Variants in PLCB4 observed in about 807,000 individuals in gnomAD.
PLCB4 encodes 1-phosphatidylinositol 4,5-bisphosphate phosphodiesterase beta-4.
PLCB4 carries 77 observed loss-of-function variants against 178.8 expected under a neutral mutation model. That is an observed-to-expected ratio of 0.43 (90% CI 0.36 to 0.52). The LOEUF is 0.52. PLCB4 is among the 20% of genes least tolerant of loss of function. The pLI, the probability that PLCB4 is intolerant of heterozygous loss-of-function variation, is 0.00. For missense variants in PLCB4, 1,024 were observed against 1,453.4 expected (o/e 0.70, Z 4.80); for synonymous variants, 496 against 490.8 (o/e 1.01, Z -0.14).
At chr20:9,083,654 T>C (rs2090269040) in intron 1 of PLCB4, among the ~76,000 whole-genome samples, 1 of 152,162 alleles carries the variant, frequency 6.6e-6, no homozygotes, top group Admixed American at 6.5e-5. Flanking sequence ...CTAAGAAAAC[T>C]GAGTGATTAC....
intron 2 of PLCB4, among the ~76,000 whole-genome samples, chr20:9,187,753 A>G (rs1004908506): frequency 1.3e-5 from 2 of 152,240 alleles, no homozygotes; most frequent in Non-Finnish European, 2.9e-5. Flanking sequence ...GGAAAATGAT[A>G]ATTTCCGTAG....
chr20:9,226,753 G>A (rs534267858), intron 3 of PLCB4, among the ~76,000 whole-genome samples: 13 of 152,106 alleles, frequency 8.5e-5, no homozygotes, highest in African/African-American at 3.1e-4. Context: ...TCTTTCTTCT[G>A]TACAAGTAGA....
intron 3 of PLCB4, among the ~76,000 whole-genome samples, chr20:9,276,303 A>T (rs977301457): frequency 6.6e-6 from 1 of 152,018 alleles, no homozygotes; most frequent in Non-Finnish European, 1.5e-5. Flanking sequence ...ACCAAGAGGA[A>T]GGGATGTTCC....
At chr20:9,146,684 A>T (rs1365488308) in intron 2 of PLCB4, among the ~76,000 whole-genome samples, 6 of 152,122 alleles carry the variant, frequency 3.9e-5, no homozygotes, top group Non-Finnish European at 1.5e-5. Flanking sequence ...GACTCTTTAC[A>T]TGGTATTTTG....
chr20:9,142,639 T>G (rs994625712), intron 2 of PLCB4, among the ~76,000 whole-genome samples: 3 of 152,142 alleles, frequency 2.0e-5, no homozygotes, highest in African/African-American at 7.2e-5. Flanking sequence ...TATCCCAAAT[T>G]TAAGCAGTTT....
At chr20:9,233,635 G>A (rs922193733) in intron 3 of PLCB4, among the ~76,000 whole-genome samples, 14 of 152,098 alleles carry the variant, frequency 9.2e-5, no homozygotes, top group African/African-American at 3.4e-4. Flanking sequence ...TGAACTAAGA[G>A]TACCACTTTC....
chr20:9,412,428 T>G (rs533901368), intron 25 of PLCB4, among the ~76,000 whole-genome samples: 1 of 151,924 alleles, frequency 6.6e-6, no homozygotes, highest in African/African-American at 2.4e-5. Flanking sequence ...ACCCAGAGCC[T>G]CTCTTCTCTG....
chr20:9,239,910 CA>C (rs1461972035), intron 3 of PLCB4, among the ~76,000 whole-genome samples: 3 of 152,168 alleles, frequency 2.0e-5, no homozygotes, highest in African/African-American at 7.2e-5. Context: ...AAGCATCTAG[CA>C]CAGGAGAAAG....
At chr20:9,449,458 G>C (rs1428835772) in intron 32 of PLCB4, among the ~76,000 whole-genome samples, 2 of 152,182 alleles carry the variant, frequency 1.3e-5, no homozygotes, top group Non-Finnish European at 2.9e-5. Context: ...AAGTCAGTCT[G>C]AGCTACCACC....
chr20:9,178,499 T>C (rs918615630), intron 2 of PLCB4, among the ~76,000 whole-genome samples: 3 of 151,950 alleles, frequency 2.0e-5, no homozygotes, highest in African/African-American at 7.2e-5. Flanking sequence ...AACTTTGTTA[T>C]TTTAGCATTA....
At position 9,234,226 on chromosome 20, in the gene PLCB4, T is replaced by C. The variant is rs74984393; in HGVS notation, c.-16+16774T>C. 4.6e-5 allele frequency among the ~76,000 whole-genome samples: 7 copies of C among 152,242 alleles called. No individual in the cohort carries two copies. The East Asian group carries it at 1.2e-3, about 25-fold the overall frequency. On this transcript the variant is annotated intron_variant, in intron 3 of 39. Transcript: ENST00000378473. ...GGAAAAATATGGATAAAAAATCAAA[T>C]GTTCTGCTTTAAACTTTAAAGCTTT...
chr20:9,430,248 A>G (rs773981395), intron 28 of PLCB4, among the ~76,000 whole-genome samples: 10 of 152,188 alleles, frequency 6.6e-5, no homozygotes, highest in Non-Finnish European at 8.8e-5. Flanking sequence ...GTTATATGAA[A>G]TTGCTAGGAA....
intron 28 of PLCB4, among the ~76,000 whole-genome samples, chr20:9,431,036 A>G (rs1179270851): frequency 1.3e-5 from 2 of 152,216 alleles, no homozygotes; most frequent in African/African-American, 4.8e-5. Context: ...ACTGTAACAA[A>G]TAACCACAGA....
At chr20:9,408,949 T>G (rs964809619) in intron 23 of PLCB4, 108 bp from the exon 24 acceptor site, 3 of 952,858 alleles carry the variant, frequency 3.1e-6, no homozygotes, top group Non-Finnish European at 4.9e-6. Flanking sequence ...CTCTGTGCTG[T>G]CTACTTGTTT....
intron 1 of PLCB4, among the ~76,000 whole-genome samples, chr20:9,080,099 G>C (rs1478645518): frequency 6.6e-6 from 1 of 152,180 alleles, no homozygotes; most frequent in Non-Finnish European, 1.5e-5. Flanking sequence ...GTTATTAACA[G>C]TAATTTTCCT....
intron 12 of PLCB4, among the ~76,000 whole-genome samples, chr20:9,374,122 G>C (rs940810412): frequency 6.6e-6 from 1 of 152,102 alleles, no homozygotes; most frequent in Non-Finnish European, 1.5e-5. Context: ...CTTTTCTTCC[G>C]TTGTGAAGGT....
intron 7 of PLCB4, among the ~76,000 whole-genome samples, chr20:9,343,584 C>A (rs1349329411): frequency 6.6e-6 from 1 of 152,170 alleles, no homozygotes; most frequent in Admixed American, 6.5e-5. Flanking sequence ...TTAAGAGACA[C>A]CTTGGTAGCT....
At chr20:9,269,832 A>C (rs1200538018) in intron 3 of PLCB4, among the ~76,000 whole-genome samples, 1 of 152,150 alleles carries the variant, frequency 6.6e-6, no homozygotes, top group African/African-American at 2.4e-5. Flanking sequence ...CACTGTTGCT[A>C]TAGCTGCTGT....
chr20:9,287,398 T>C (rs1172719926), intron 3 of PLCB4, among the ~76,000 whole-genome samples: 1 of 152,204 alleles, frequency 6.6e-6, no homozygotes, highest in Admixed American at 6.6e-5. Context: ...ACAAAGACCT[T>C]AACCATGTTT....
Sources: allele counts gnomAD v4.1 joint callset (sites outside exome capture counted in the v4.1 genomes callset), GRCh38; gene constraint gnomAD v4.1.1; transcripts MANE v1.5; gene names NCBI Gene and HGNC (gene_info 2026-07-23, HGNC 2026-07-21).